IQCH: variants seen among roughly 807,000 people sequenced by gnomAD.
IQCH encodes the protein IQ domain-containing protein H.
Under a neutral mutation model 117.0 loss-of-function variants are expected in IQCH, and 98 were observed. That is an observed-to-expected ratio of 0.84 (90% confidence interval 0.71 to 0.99). The LOEUF (loss-of-function observed/expected upper bound fraction) is 0.99, where lower values mean the gene tolerates loss of function less well. IQCH is among the 50% of genes least tolerant of loss of function. The probability of loss-of-function intolerance (pLI) is 0.00; values close to 1 mark genes in which losing one functional copy is unlikely to be tolerated. For synonymous variants in IQCH, 412 were observed against 448.2 expected (o/e 0.92, Z 1.02); for missense variants, 1,102 against 1,243.8 (o/e 0.89, Z 1.72).
In IQCH at chr15:67,342,086, T is replaced by C. The variant is rs1969201236; in HGVS notation, c.509-1977T>C. ...GGGAGTTCAAGACTAGCCTGGACAA[T>C]ATAGCAAGACCTAGTCTCTACATTA... On this transcript the variant is annotated intron_variant, in intron 5 of 20. Transcript: ENST00000335894. This position sits in a 1 kb window ranked among gnomAD's most constrained non-coding sequence, Gnocchi z 4.7. Among the ~76,000 whole-genome samples, 2 of 150,888 alleles carry C rather than the reference T, an allele frequency of 1.3e-5. No individual in the cohort carries two copies. Among genetic ancestry groups the C allele is most frequent in the Admixed American group, 6.6e-5 (1 of 15,138 alleles).
rs1260389385 is a variant in IQCH at position 67,342,283 on chromosome 15, A to C, written c.509-1780A>C. 6.6e-6 allele frequency among the ~76,000 whole-genome samples: 1 copy of C among 152,196 alleles called. No homozygotes were observed. Among genetic ancestry groups the C allele is most frequent in the Non-Finnish European group, 1.5e-5 (1 of 68,028 alleles). On this transcript the variant is annotated intron_variant, in intron 5 of 20. Transcript: ENST00000335894. The surrounding 1 kb of genome is among the most constrained non-coding windows in gnomAD (Gnocchi z 4.7). The stretch of plus-strand genomic sequence containing the variant: ...CCCTGTCTCTAAAAAAGCAAAACAA[A>C]ACAAAGATGCATACAGAGTCCTGTA...
intron 4 of IQCH, among the ~76,000 whole-genome samples, chr15:67,303,062 A>C (rs537615309): frequency 2.6e-5 from 4 of 152,190 alleles, no homozygotes; most frequent in African/African-American, 9.7e-5. Context: ...ATCATGAACA[A>C]ATCTGTCCAA....
At chr15:67,276,326 C>T (rs1161486228) in intron 3 of IQCH, among the ~76,000 whole-genome samples, 1 of 152,136 alleles carries the variant, frequency 6.6e-6, no homozygotes, top group African/African-American at 2.4e-5. Context: ...AAACTTTGGA[C>T]ATTATATTTA....
At chr15:67,372,724 G>A in intron 9 of IQCH, 62 bp downstream of exon 9, 1 of 1,365,504 alleles carries the variant, frequency 7.3e-7, no homozygotes, top group African/African-American at 1.5e-5. Flanking sequence ...TGCTTGAGCG[G>A]TTGTAATAAG....
chr15:67,391,248 A>T lies in IQCH; in HGVS notation c.1632+2242A>T, dbSNP rs1240714365. ...AGTACTTAATAGTTCTCATAGCTCA[A>T]GTTTAAATTATTTGAGTAATTACTC... is the stretch of plus-strand genomic sequence containing the variant. On this transcript the variant is annotated intron_variant, in intron 12 of 20. Transcript: ENST00000335894. This position sits in a 1 kb window ranked among gnomAD's most constrained non-coding sequence, Gnocchi z 4.3. Among the ~76,000 whole-genome samples, 1 of 152,204 alleles carries T rather than the reference A, an allele frequency of 6.6e-6. No homozygotes were observed.
chr15:67,345,350 C>G (rs1008545200), intron 6 of IQCH, among the ~76,000 whole-genome samples: 3 of 152,120 alleles, frequency 2.0e-5, no homozygotes, highest in African/African-American at 7.2e-5. Context: ...ATCCACCCCT[C>G]CCTTCTCTTT....
chr15:67,401,558 A>T lies in IQCH; in HGVS notation c.2097+1253A>T, dbSNP rs2140870352. Among the ~76,000 whole-genome samples, 1 of 151,982 alleles carries T rather than the reference A, an allele frequency of 6.6e-6. No individual in the cohort carries two copies. The highest frequency in any genetic ancestry group is 1.9e-4 in the East Asian group (1 of 5,148). ...ATCAAGACACAAGTGATAGAGAGGG[A>T]GGGGCACACTTGAGGGAACCACATT... On this transcript the variant is annotated intron_variant, in intron 14 of 20. Transcript: ENST00000335894. This position sits in a 1 kb window ranked among gnomAD's most constrained non-coding sequence, Gnocchi z 4.7.
Position 67,437,869 on chromosome 15 carries a change from T to C in IQCH, c.2505+16292T>C, listed in dbSNP as rs545536215. On this transcript the variant is annotated intron_variant, in intron 16 of 20. Transcript: ENST00000335894. ...ACAAAGAAAAAAGAATAAGAAAATA[T>C]GAACAAAGCCTCCAAGAAGTCTGGG... Among the ~76,000 whole-genome samples, 5 of 152,108 alleles carry C rather than the reference T, an allele frequency of 3.3e-5. No homozygotes were observed. The South Asian group carries it at 6.2e-4, about 19-fold the overall frequency.
At chr15:67,312,566 G>A (rs1040908851) in intron 4 of IQCH, among the ~76,000 whole-genome samples, 4 of 152,132 alleles carry the variant, frequency 2.6e-5, no homozygotes, top group Admixed American at 6.6e-5. Flanking sequence ...GATACGTCTA[G>A]ACTACCAGCC....
intron 4 of IQCH, among the ~76,000 whole-genome samples, chr15:67,285,676 C>A (rs1338303580): frequency 6.6e-6 from 1 of 152,170 alleles, no homozygotes; most frequent in Non-Finnish European, 1.5e-5. Flanking sequence ...ATATGGCTAA[C>A]CAGTTATCCC....
Position 67,261,336 on chromosome 15 carries a change from A to G in IQCH, c.116A>G (p.Glu39Gly). The change falls in exon 2 of 21, where the codon GAG becomes GGG. Residue 39 changes from glutamate to glycine, a missense_variant. Physicochemically the swap from Glu to Gly is moderately conservative, Grantham distance 98. This residue lies in a region of IQCH where 452 missense variants were observed against 449.6 expected (regional missense o/e 1.01). Coordinates refer to ENST00000335894, the MANE Select transcript of IQCH (RefSeq NM_001031715.3). ...AAATTCTCACCTGAGGAAAAAGGAG[A>G]GACTCTAGACATTCAGAGTCTTGAA... ...LTKFSPEEKG[E>G]TLDIQSLETA... 6.3e-7 allele frequency: 1 copy of G among 1,591,050 alleles called. No individual in the cohort carries two copies. Among genetic ancestry groups the G allele is most frequent in the Admixed American group, 1.9e-5 (1 of 53,322 alleles).
intron 2 of IQCH, among the ~76,000 whole-genome samples, chr15:67,262,268 G>A (rs1280820421): frequency 1.3e-5 from 2 of 152,194 alleles, no homozygotes; most frequent in African/African-American, 4.8e-5. Context: ...TAAGGTCGGG[G>A]AGAATCCAGT....
At chr15:67,383,937 T>G (rs1971024786) in intron 10 of IQCH, among the ~76,000 whole-genome samples, 1 of 152,172 alleles carries the variant, frequency 6.6e-6, no homozygotes. Flanking sequence ...GTTCATTTGG[T>G]CTGAAGCCCC....
At position 67,374,416 on chromosome 15, in the gene IQCH, G is replaced by A. The variant is rs1313684346; in HGVS notation, c.1372+983G>A. On this transcript the variant is annotated intron_variant, in intron 10 of 20. Coordinates refer to ENST00000335894, the MANE Select transcript of IQCH (RefSeq NM_001031715.3). Reference sequence around the variant, plus strand: ...TTGCAGTTTATTCATATTCATATGTGAGCATAACCAGTTTGTGTACTTACA... The same window carrying A: ...TTGCAGTTTATTCATATTCATATGTAAGCATAACCAGTTTGTGTACTTACA... Among the ~76,000 whole-genome samples, 3 of 152,112 alleles carry A rather than the reference G, an allele frequency of 2.0e-5. No individual in the cohort carries two copies. In the East Asian group the frequency reaches 5.8e-4, roughly 29 times the overall value.
chr15:67,281,408 A>G (rs531209441), intron 4 of IQCH, among the ~76,000 whole-genome samples: 1 of 152,322 alleles, frequency 6.6e-6, no homozygotes, highest in Non-Finnish European at 1.5e-5. Flanking sequence ...CTTATATATC[A>G]TCTTGAGGTT....
chr15:67,375,872 C>T (rs998056952), intron 10 of IQCH, among the ~76,000 whole-genome samples: 4 of 150,400 alleles, frequency 2.7e-5, no homozygotes, highest in East Asian at 2.0e-4. Context: ...GTGCATTCTC[C>T]GCCTCCCGGG....
At chr15:67,271,680 T>A (rs1596071773) in intron 3 of IQCH, among the ~76,000 whole-genome samples, 1 of 152,226 alleles carries the variant, frequency 6.6e-6, no homozygotes, top group Non-Finnish European at 1.5e-5. Context: ...CTGTTCCTTC[T>A]AGATTTTCCA....
intron 16 of IQCH, among the ~76,000 whole-genome samples, chr15:67,437,997 TC>T (rs918948426): frequency 6.6e-6 from 1 of 152,042 alleles, no homozygotes; most frequent in Non-Finnish European, 1.5e-5. Flanking sequence ...GAGGAAAACT[TC>T]CCCGGCCTTG....
intron 12 of IQCH, among the ~76,000 whole-genome samples, chr15:67,392,341 T>C (rs955482563): frequency 6.6e-6 from 1 of 152,106 alleles, no homozygotes; most frequent in African/African-American, 2.4e-5. Context: ...GAATAATTTA[T>C]GGGAAAAAGA....
Sources: allele counts gnomAD v4.1 joint callset (sites outside exome capture counted in the v4.1 genomes callset), GRCh38; gene constraint gnomAD v4.1.1; regional missense constraint gnomAD v4.1.1; non-coding constraint Gnocchi (gnomAD v3.1); transcripts MANE v1.5; gene names NCBI Gene and HGNC (gene_info 2026-07-23, HGNC 2026-07-21).